Variants in LYPD6 observed in about 807,000 individuals in gnomAD.
The protein encoded by LYPD6 is LY6/PLAUR domain containing 6.
In LYPD6, 15 loss-of-function variants were observed where a neutral mutation model predicts 22.7. The observed-to-expected ratio is 0.66, with a 90% CI of 0.44 to 1.02. LYPD6 has a LOEUF of 1.02. Ranked by LOEUF, LYPD6 falls within the 50% of genes least tolerant of loss-of-function variation. The pLI is 0.00. For synonymous variants in LYPD6, 72 were observed against 77.5 expected (o/e 0.93, Z 0.37); for missense variants, 189 against 208.4 (o/e 0.91, Z 0.57).
intron 3 of LYPD6, among the ~76,000 whole-genome samples, chr2:149,456,496 A>T (rs560166124): frequency 6.6e-6 from 1 of 152,186 alleles, no homozygotes; most frequent in African/African-American, 2.4e-5. Flanking sequence ...TCAAATTCTT[A>T]TGTTGAAGTC....
chr2:149,383,761 G>T lies in LYPD6; in HGVS notation c.-72+53039G>T, dbSNP rs1682120378. On this transcript the variant is annotated intron_variant, in intron 1 of 4. Transcript: ENST00000334166. Reference sequence around the variant, plus strand: ...TTTGCTTTTGGATAATAGTGGGGATGATTTCCTAGTAACTGATGATATGTA... The same window carrying T: ...TTTGCTTTTGGATAATAGTGGGGATTATTTCCTAGTAACTGATGATATGTA... Among the ~76,000 whole-genome samples, 3 of 152,174 alleles carry T rather than the reference G, an allele frequency of 2.0e-5. No individual in the cohort carries two copies. The South Asian group carries it at 6.2e-4, about 32-fold the overall frequency.
chr2:149,403,865 G>C (rs1682624569), intron 1 of LYPD6, among the ~76,000 whole-genome samples: 1 of 152,060 alleles, frequency 6.6e-6, no homozygotes, highest in Non-Finnish European at 1.5e-5. Flanking sequence ...TATGGTTTTA[G>C]GTCTAACGTT....
chr2:149,470,449 C>A (rs1681306671), intron 4 of LYPD6, among the ~76,000 whole-genome samples: 1 of 152,108 alleles, frequency 6.6e-6, no homozygotes. Flanking sequence ...TGGAGGGTGT[C>A]AAAAACAAAA....
In LYPD6 at chr2:149,420,720, C is replaced by T. The variant is rs113054616; in HGVS notation, c.-71-16918C>T. ...TGCCTACTTCCTTTCCCCAAAGACT[C>T]GGAAGACCCACAGGCAGGATAGAGA... On this transcript the variant is annotated intron_variant, in intron 1 of 4. Transcript: ENST00000334166. 2.9e-3 allele frequency among the ~76,000 whole-genome samples: 437 copies of T among 152,210 alleles called. 1 individual carries two copies. The highest frequency in any genetic ancestry group is 9.9e-3 in the African/African-American group (413 of 41,546).
chr2:149,457,572 T>C (rs1156779232), intron 3 of LYPD6, among the ~76,000 whole-genome samples: 1 of 152,198 alleles, frequency 6.6e-6, no homozygotes, highest in Non-Finnish European at 1.5e-5. Context: ...CTGGAGACAT[T>C]CTTAGTTGTT....
chr2:149,405,286 T>C (rs1165263826), intron 1 of LYPD6, among the ~76,000 whole-genome samples: 1 of 152,098 alleles, frequency 6.6e-6, no homozygotes. Context: ...TTTCTATTGA[T>C]TGGAATAGTT....
chr2:149,444,797 T>G (rs966491321), intron 2 of LYPD6, among the ~76,000 whole-genome samples: 9 of 152,232 alleles, frequency 5.9e-5, no homozygotes, highest in Admixed American at 5.9e-4. Context: ...AGTTACTTTC[T>G]CTGTTGAAAT....
chr2:149,426,962 A>G (rs984485315), intron 1 of LYPD6, among the ~76,000 whole-genome samples: 1 of 152,218 alleles, frequency 6.6e-6, no homozygotes, highest in African/African-American at 2.4e-5. Context: ...CTCAGTTCAA[A>G]TAGTGCAGAA....
At chr2:149,371,083 G>A (rs1305720650) in intron 1 of LYPD6, among the ~76,000 whole-genome samples, 1 of 152,210 alleles carries the variant, frequency 6.6e-6, no homozygotes, top group Non-Finnish European at 1.5e-5. Flanking sequence ...CTTTTTATAA[G>A]TGAGAGGATC....
intron 1 of LYPD6, among the ~76,000 whole-genome samples, chr2:149,384,102 C>T (rs578220786): frequency 1.3e-5 from 2 of 152,250 alleles, no homozygotes; most frequent in African/African-American, 4.8e-5. Flanking sequence ...AGTAGAATCC[C>T]ATTAAATATT....
intron 2 of LYPD6, among the ~76,000 whole-genome samples, chr2:149,445,246 T>C (rs534399250): frequency 2.8e-4 from 42 of 152,354 alleles, no homozygotes; most frequent in African/African-American, 9.4e-4. Context: ...TGTGCTGTCA[T>C]CCAGGCTTTG....
At chr2:149,475,794 C>CTTTG (rs1437908647), downstream of LYPD6, among the ~76,000 whole-genome samples, 2 of 152,170 alleles carry the variant, frequency 1.3e-5, no homozygotes, top group Non-Finnish European at 2.9e-5. Flanking sequence ...ATATACCTTG[C>CTTTG]TTCGGTTAAT....
At chr2:149,478,395 TGTGTGC>T (rs1255516832), downstream of LYPD6, among the ~76,000 whole-genome samples, 168 of 63,280 alleles carry the variant, frequency 2.7e-3, 1 homozygote, top group South Asian at 8.9e-3. Flanking sequence ...TGTGTGTGTG[TGTGTGC>T]GCGCACGCAT....
At chr2:149,433,408 C>G (rs545136230) in intron 1 of LYPD6, among the ~76,000 whole-genome samples, 8 of 152,282 alleles carry the variant, frequency 5.3e-5, no homozygotes, top group African/African-American at 1.7e-4. Context: ...GCAATGTGCT[C>G]CTGACCTCCA....
intron 1 of LYPD6, among the ~76,000 whole-genome samples, chr2:149,363,880 T>C (rs1681613802): frequency 2.0e-5 from 3 of 152,192 alleles, no homozygotes; most frequent in Admixed American, 2.0e-4. Flanking sequence ...TAAATGCATT[T>C]GATAAAAATG....
At chr2:149,378,399 T>G (rs532373091) in intron 1 of LYPD6, among the ~76,000 whole-genome samples, 10 of 152,368 alleles carry the variant, frequency 6.6e-5, no homozygotes, top group African/African-American at 2.4e-4. Flanking sequence ...ATTACAGGCA[T>G]GAGACATTGG....
At chr2:149,467,471 AG>A (rs1345791547) in intron 3 of LYPD6, among the ~76,000 whole-genome samples, 2 of 152,156 alleles carry the variant, frequency 1.3e-5, no homozygotes, top group Non-Finnish European at 2.9e-5. Context: ...GATGTGTTGA[AG>A]GGTCTGTATT....
At chr2:149,372,492 C>A (rs1681833776) in intron 1 of LYPD6, among the ~76,000 whole-genome samples, 1 of 152,186 alleles carries the variant, frequency 6.6e-6, no homozygotes, top group African/African-American at 2.4e-5. Flanking sequence ...CACAAGGACA[C>A]CTTCATCTGG....
intron 3 of LYPD6, among the ~76,000 whole-genome samples, chr2:149,452,815 C>T (rs1680866191): frequency 1.3e-5 from 2 of 152,162 alleles, no homozygotes; most frequent in Non-Finnish European, 2.9e-5. Context: ...ATTGTTTGGC[C>T]AAGTAAGTGT....
Sources: allele counts gnomAD v4.1 joint callset (sites outside exome capture counted in the v4.1 genomes callset), GRCh38; gene constraint gnomAD v4.1.1; transcripts MANE v1.5; gene names NCBI Gene and HGNC (gene_info 2026-07-23, HGNC 2026-07-21).